Variants in KIAA0825 observed in about 807,000 individuals in gnomAD.
KIAA0825 encodes uncharacterized protein KIAA0825.
In KIAA0825, 119 loss-of-function variants were observed where a neutral mutation model predicts 147.6. The observed-to-expected ratio is 0.81, with a 90% confidence interval of 0.69 to 0.94. The LOEUF is 0.94. Ranked by LOEUF, KIAA0825 falls within the 40% of genes least tolerant of loss-of-function variation. KIAA0825 has a pLI of 0.00. For missense variants in KIAA0825, 1,381 were observed against 1,472.7 expected (o/e 0.94, Z 1.02); for synonymous variants, 470 against 518.1 (o/e 0.91, Z 1.26).
chr5:94,373,409 CT>C (rs1203523475), intron 20 of KIAA0825, among the ~76,000 whole-genome samples: 4 of 151,920 alleles, frequency 2.6e-5, no homozygotes, highest in African/African-American at 7.2e-5. Flanking sequence ...AGGAGAAAAT[CT>C]TTTTTTTAAT....
intron 20 of KIAA0825, among the ~76,000 whole-genome samples, chr5:94,370,867 G>T (rs1746599080): frequency 6.6e-6 from 1 of 152,104 alleles, no homozygotes; most frequent in African/African-American, 2.4e-5. Flanking sequence ...CTGAGATCAT[G>T]CCACTGCACT....
chr5:94,507,878 C>A (rs1405642698), intron 5 of KIAA0825, among the ~76,000 whole-genome samples: 1 of 152,150 alleles, frequency 6.6e-6, no homozygotes, highest in Non-Finnish European at 1.5e-5. Context: ...CAAAGTAGAA[C>A]ATGAAGAGAT....
At chr5:94,463,857 CATAAGGAAAAG>C (rs1247031811) in intron 11 of KIAA0825, among the ~76,000 whole-genome samples, 1 of 151,876 alleles carries the variant, frequency 6.6e-6, no homozygotes, top group Non-Finnish European at 1.5e-5. Flanking sequence ...ATTTATGCTA[CATAAGGAAAAG>C]AATGAAGGTA....
chr5:94,339,968 G>A (rs1782199210), intron 20 of KIAA0825, among the ~76,000 whole-genome samples: 1 of 152,136 alleles, frequency 6.6e-6, no homozygotes, highest in Non-Finnish European at 1.5e-5. Context: ...GTTAAAGAAA[G>A]CATTCCTCTT....
At chr5:94,256,350 A>G (rs1776254825) in intron 20 of KIAA0825, among the ~76,000 whole-genome samples, 1 of 152,126 alleles carries the variant, frequency 6.6e-6, no homozygotes, top group African/African-American at 2.4e-5. Context: ...TCTGAGCTCT[A>G]TGGGCTGATC....
chr5:94,604,424 T>C (rs1180188301), intron 1 of KIAA0825, among the ~76,000 whole-genome samples: 2 of 152,176 alleles, frequency 1.3e-5, no homozygotes, highest in African/African-American at 2.4e-5. Flanking sequence ...CTGGGCATGG[T>C]GATGGGCACC....
intron 1 of KIAA0825, chr5:94,593,372 CT>C: frequency 9.9e-7 from 1 of 1,014,872 alleles, no homozygotes; most frequent in Non-Finnish European, 1.5e-6. Context: ...AACATATCTT[CT>C]TTAATATCAC....
intron 20 of KIAA0825, among the ~76,000 whole-genome samples, chr5:94,356,860 G>T (rs1271587200): frequency 1.3e-5 from 2 of 151,122 alleles, no homozygotes; most frequent in African/African-American, 4.9e-5. Context: ...GAGTAGCTGG[G>T]ACTACAGGTG....
At chr5:94,474,055 C>T (rs1449393749) in intron 7 of KIAA0825, among the ~76,000 whole-genome samples, 1 of 152,144 alleles carries the variant, frequency 6.6e-6, no homozygotes, top group African/African-American at 2.4e-5. Flanking sequence ...TACCACTGCA[C>T]TTCCTAGATT....
intron 20 of KIAA0825, among the ~76,000 whole-genome samples, chr5:94,326,146 T>G (rs927825098): frequency 1.3e-5 from 2 of 152,086 alleles, no homozygotes; most frequent in African/African-American, 4.8e-5. Context: ...AACACTATAT[T>G]TTCTCTCAAT....
chr5:94,583,233 G>A (rs1782570235), intron 1 of KIAA0825, among the ~76,000 whole-genome samples: 2 of 152,214 alleles, frequency 1.3e-5, no homozygotes, highest in Admixed American at 1.3e-4. Flanking sequence ...AAAGGGTCGT[G>A]GGATTTCCCT....
At chr5:94,320,708 G>A (rs916117363) in intron 20 of KIAA0825, among the ~76,000 whole-genome samples, 1 of 151,978 alleles carries the variant, frequency 6.6e-6, no homozygotes, top group Non-Finnish European at 1.5e-5. Context: ...GGTACTCAGT[G>A]TATGTATGTT....
intron 20 of KIAA0825, among the ~76,000 whole-genome samples, chr5:94,355,730 T>C (rs1784169631): frequency 6.6e-6 from 1 of 152,206 alleles, no homozygotes; most frequent in African/African-American, 2.4e-5. Flanking sequence ...CTTAGTTGCA[T>C]TTAAGAGATC....
intron 2 of KIAA0825, among the ~76,000 whole-genome samples, chr5:94,544,848 A>G (rs112597956): frequency 1.2e-3 from 187 of 152,282 alleles, no homozygotes; most frequent in African/African-American, 4.4e-3. Flanking sequence ...CAGGAAAACC[A>G]AATTTTAACA....
Position 94,283,265 on chromosome 5 carries a change from ATAT to A in KIAA0825, c.3710+101100_3710+101102del, listed in dbSNP as rs1471924003. ...GAGCTCTGAAAATGTCTTGTGACAG[ATAT>A]TATTTCCTTTTAACAGAAGAAGAAA... On this transcript the variant is annotated intron_variant, in intron 20 of 20. Coordinates refer to ENST00000682413, the MANE Select transcript of KIAA0825 (RefSeq NM_001145678.3). Among the ~76,000 whole-genome samples the A allele has an allele frequency of 3.9e-5, 6 of 152,220 alleles. No individual in the cohort carries two copies. The East Asian group carries it at 9.7e-4, about 24-fold the overall frequency.
chr5:94,261,371 A>T (rs973372485), intron 20 of KIAA0825, among the ~76,000 whole-genome samples: 1 of 152,116 alleles, frequency 6.6e-6, no homozygotes, highest in Non-Finnish European at 1.5e-5. Context: ...ATCTTTCCAT[A>T]ATGTTATTGA....
At chr5:94,595,970 C>T (rs564352247) in intron 1 of KIAA0825, among the ~76,000 whole-genome samples, 1 of 152,322 alleles carries the variant, frequency 6.6e-6, no homozygotes, top group East Asian at 1.9e-4. Flanking sequence ...TCATCTCCAT[C>T]TGAGAACACC....
rs559902624 is a variant in KIAA0825 at position 94,456,847 on chromosome 5, A to AT, written c.2247-3779dup. 1.4e-4 allele frequency among the ~76,000 whole-genome samples: 22 copies of AT among 152,320 alleles called. 1 individual carries two copies. In the South Asian group the frequency reaches 4.1e-3, roughly 29 times the overall value. ...TTTCAAAACTAACATGAAATTCCTG[A>AT]TAGTCTAAATGGTTGCCTAGCTACA... is the stretch of plus-strand genomic sequence containing the variant. On this transcript the variant is annotated intron_variant, in intron 12 of 20. Coordinates refer to ENST00000682413, the MANE Select transcript of KIAA0825 (RefSeq NM_001145678.3).
chr5:94,388,023 T>C (rs1749399164), intron 18 of KIAA0825, among the ~76,000 whole-genome samples: 1 of 152,128 alleles, frequency 6.6e-6, no homozygotes, highest in Admixed American at 6.5e-5. Flanking sequence ...CAGTCCGCAA[T>C]CTTTTTAGCA....
Sources: allele counts gnomAD v4.1 joint callset (sites outside exome capture counted in the v4.1 genomes callset), GRCh38; gene constraint gnomAD v4.1.1; transcripts MANE v1.5; gene names NCBI Gene and HGNC (gene_info 2026-07-23, HGNC 2026-07-21).